The following ITGA11 variants were observed in gnomAD, a reference collection of about 807,000 sequenced individuals.
The protein encoded by ITGA11 is integrin subunit alpha 11.
ITGA11 carries 97 observed loss-of-function variants against 141.9 expected under a neutral mutation model. The ratio of observed to expected loss-of-function variants is 0.68; its 90% CI spans 0.58 to 0.81. The LOEUF is 0.81. Ranked by LOEUF, ITGA11 falls within the 30% of genes least tolerant of loss-of-function variation. ITGA11 has a pLI of 0.00. For synonymous variants in ITGA11, 658 were observed against 624.6 expected, an observed-to-expected ratio of 1.05 and a Z score of -0.80; for missense variants, 1,387 against 1,559.2, an observed-to-expected ratio of 0.89 and a Z score of 1.86.
intron 12 of ITGA11, among the ~76,000 whole-genome samples, chr15:68,334,204 T>A (rs964691): frequency 6.6e-6 from 1 of 152,084 alleles, no homozygotes; most frequent in Non-Finnish European, 1.5e-5. Flanking sequence ...GGTACCTAAT[T>A]AATGCTTATT....
intron 2 of ITGA11, among the ~76,000 whole-genome samples, chr15:68,390,927 T>C (rs1375894861): frequency 6.6e-6 from 1 of 152,202 alleles, no homozygotes; most frequent in Non-Finnish European, 1.5e-5. Flanking sequence ...GGCACAGAGC[T>C]GAATCAATAC....
chr15:68,350,370 T>A (rs921041301), intron 9 of ITGA11, among the ~76,000 whole-genome samples: 2 of 144,356 alleles, frequency 1.4e-5, no homozygotes, highest in African/African-American at 5.8e-5. Context: ...ATTTTTTTTT[T>A]AAAGAGACGA....
Position 68,303,696 on chromosome 15 carries a change from C to A in ITGA11, c.3495+76G>T. The A allele has an allele frequency of 9.9e-7, 1 of 1,012,470 alleles. No homozygotes were observed. Among genetic ancestry groups the A allele is most frequent in the South Asian group, 1.5e-5 (1 of 68,074 alleles). The allele number at this position is 1,012,470 out of a possible 1,614,324, so 62.7% of individuals were successfully genotyped here. A position where few individuals can be genotyped will look rare whatever the true frequency, so the allele number is the denominator to read the frequency against. On this transcript the variant is annotated intron_variant, in intron 29 of 29. Transcript: ENST00000315757. This position sits in a 1 kb window ranked among gnomAD's most constrained non-coding sequence, Gnocchi z 5.3. The stretch of plus-strand genomic sequence containing the variant: ...CTGGAGAGGAGAACGTGGCAGCGGC[C>A]ACGAAGTTCCAGGGGCTGGAGCCTG...
chr15:68,386,359 G>C (rs975461960), intron 2 of ITGA11, among the ~76,000 whole-genome samples: 1 of 152,074 alleles, frequency 6.6e-6, no homozygotes, highest in Non-Finnish European at 1.5e-5. Flanking sequence ...CTACTGCCTC[G>C]CAGTCCATCC....
At position 68,335,085 on chromosome 15, in the gene ITGA11, A is replaced by C. The variant is rs184850845; in HGVS notation, c.1425+612T>G. Among the ~76,000 whole-genome samples the C allele has an allele frequency of 1.3e-5, 2 of 152,282 alleles. No homozygotes were observed. Among genetic ancestry groups the C allele is most frequent in the Middle Eastern group, 3.4e-3 (1 of 294 alleles). On this transcript the variant is annotated intron_variant, in intron 12 of 29. Coordinates refer to ENST00000315757, the MANE Select transcript of ITGA11 (RefSeq NM_001004439.2). The surrounding 1 kb of genome is among the most constrained non-coding windows in gnomAD (Gnocchi z 4.9). ...GAGAGCCGGCAGGGAGCTGGGGACA[A>C]CATGGAAGGGCCTGGACAGCACTCA...
Position 68,308,694 on chromosome 15 carries a change from G to A in ITGA11, c.3175-998C>T, listed in dbSNP as rs868076478. 6.6e-6 allele frequency among the ~76,000 whole-genome samples: 1 copy of A among 151,964 alleles called. No homozygotes were observed. On this transcript the variant is annotated intron_variant, in intron 26 of 29. Transcript: ENST00000315757. This position sits in a 1 kb window ranked among gnomAD's most constrained non-coding sequence, Gnocchi z 5.2. ...GGAGGCGGAGGTCGCAGTGAGCCGA[G>A]ATCGTGCCACTGCACTCCAGCTGGG...
At chr15:68,365,000 C>T (rs1303222481) in intron 3 of ITGA11, 3 of 333,004 alleles carry the variant, frequency 9.0e-6, no homozygotes, top group Non-Finnish European at 1.0e-5. Context: ...AAAACCGAGT[C>T]TCAGAGAGGC....
intron 16 of ITGA11, among the ~76,000 whole-genome samples, chr15:68,327,209 T>C (rs933527134): frequency 6.6e-6 from 1 of 152,140 alleles, no homozygotes; most frequent in Non-Finnish European, 1.5e-5. Flanking sequence ...TGCTGGGTAC[T>C]TCCTCTCACA....
intron 2 of ITGA11, among the ~76,000 whole-genome samples, chr15:68,372,227 A>G (rs1394825552): frequency 3.3e-5 from 5 of 152,150 alleles, no homozygotes; most frequent in Admixed American, 1.3e-4. Flanking sequence ...TTTGGAGGAC[A>G]TGATTCAGTC....
intron 10 of ITGA11, among the ~76,000 whole-genome samples, chr15:68,342,238 G>A (rs562830706): frequency 8.5e-5 from 13 of 152,322 alleles, no homozygotes; most frequent in South Asian, 4.1e-4. Context: ...GGGCATTCCC[G>A]GGAAGAGCTG....
At chr15:68,370,584 C>T (rs1157637958) in intron 2 of ITGA11, among the ~76,000 whole-genome samples, 1 of 152,236 alleles carries the variant, frequency 6.6e-6, no homozygotes, top group Admixed American at 6.5e-5. Flanking sequence ...CGGTCTGGCT[C>T]TCTGCTCAGG....
Position 68,328,034 on chromosome 15 carries a change from A to C in ITGA11, c.2068+62T>G. 1.3e-6 allele frequency: 2 copies of C among 1,500,240 alleles called. No homozygotes were observed. The highest frequency in any genetic ancestry group is 1.8e-6 in the Non-Finnish European group (2 of 1,112,088). 92.9% of individuals were successfully genotyped at this position (1,500,240 alleles called of 1,614,324 possible). Reference sequence around the variant, plus strand: ...TTGGGAAAAGCCCAGGCTTTGAAATAGAGCAAGGTGCAGGGGGAGACTGGA... The same window carrying C: ...TTGGGAAAAGCCCAGGCTTTGAAATCGAGCAAGGTGCAGGGGGAGACTGGA... On this transcript the variant is annotated intron_variant, in intron 16 of 29. Transcript: ENST00000315757. The surrounding 1 kb of genome is among the most constrained non-coding windows in gnomAD (Gnocchi z 4.8).
rs1893993830 is a variant in ITGA11 at position 68,326,927 on chromosome 15, G to A, written c.2069-131C>T. Reference sequence around the variant, plus strand: ...CCTTTCCTCTCACGAGCCCCAGTGTGGGTGAGAAACTCCCACATGGAGAGC... The same window carrying A: ...CCTTTCCTCTCACGAGCCCCAGTGTAGGTGAGAAACTCCCACATGGAGAGC... On this transcript the variant is annotated intron_variant, in intron 16 of 29. Transcript: ENST00000315757. This position sits in a 1 kb window ranked among gnomAD's most constrained non-coding sequence, Gnocchi z 6.8. The A allele has an allele frequency of 1.0e-6, 1 of 983,984 alleles. No individual in the cohort carries two copies. Among genetic ancestry groups the A allele is most frequent in the Admixed American group, 3.0e-5 (1 of 33,162 alleles). 61.0% of individuals were successfully genotyped at this position (983,984 alleles called of 1,614,324 possible).
Position 68,322,351 on chromosome 15 carries a change from G to A in ITGA11, c.2323-848C>T, listed in dbSNP as rs907955572. 1.3e-5 allele frequency among the ~76,000 whole-genome samples: 2 copies of A among 152,118 alleles called. No homozygotes were observed. Among genetic ancestry groups the A allele is most frequent in the African/African-American group, 2.4e-5 (1 of 41,408 alleles). ...GAATGGAGTGAGAAGATGGAGGCTC[G>A]AGGCAGGGAGACCATTGAGGAGGCT... On this transcript the variant is annotated intron_variant, in intron 18 of 29. Transcript: ENST00000315757. This position sits in a 1 kb window ranked among gnomAD's most constrained non-coding sequence, Gnocchi z 5.6.
intron 12 of ITGA11, among the ~76,000 whole-genome samples, chr15:68,334,465 C>A (rs1011095492): frequency 6.6e-6 from 1 of 152,238 alleles, no homozygotes; most frequent in Admixed American, 6.5e-5. Context: ...ATTCTGCCTA[C>A]CCCGTCCATC....
At position 68,307,387 on chromosome 15, in the gene ITGA11, G is replaced by C; in HGVS notation, c.3342C>G (p.His1114Gln). ...MVNAALQRQF[H>Q]SPFIFREEDP... ...CCTCCTCACGGAAGATGAAGGGGCT[G>C]TGGAACTGCCTCTGCAAGGCTGCGT... The change falls in exon 28 of 30, where the codon CAC (histidine) becomes CAG (glutamine). Residue 1114 changes from histidine to glutamine, a missense_variant. Coordinates refer to ENST00000315757, the MANE Select transcript of ITGA11 (RefSeq NM_001004439.2). This position sits in a 1 kb window ranked among gnomAD's most constrained non-coding sequence, Gnocchi z 6.1. The C allele has an allele frequency of 1.3e-6, 2 of 1,558,754 alleles. No individual in the cohort carries two copies. Among genetic ancestry groups the C allele is most frequent in the Non-Finnish European group, 1.7e-6 (2 of 1,150,550 alleles).
At chr15:68,369,691 C>G (rs571393059) in intron 2 of ITGA11, among the ~76,000 whole-genome samples, 1 of 152,246 alleles carries the variant, frequency 6.6e-6, no homozygotes, top group Non-Finnish European at 1.5e-5. Flanking sequence ...TCTGGAGCCA[C>G]AGAGTCTTGA....
chr15:68,319,728 G>C (rs1006470318), intron 20 of ITGA11, among the ~76,000 whole-genome samples: 1 of 152,176 alleles, frequency 6.6e-6, no homozygotes. Context: ...CCCTAACCAG[G>C]GCCCAGGAGT....
chr15:68,421,313 C>G lies in ITGA11; in HGVS notation c.52+10702G>C, dbSNP rs550253009. Among the ~76,000 whole-genome samples the G allele has an allele frequency of 2.0e-5, 3 of 151,636 alleles. No individual in the cohort carries two copies. In the South Asian group the frequency reaches 6.2e-4, roughly 31 times the overall value. On this transcript the variant is annotated intron_variant, in intron 1 of 29. Coordinates refer to ENST00000315757, the MANE Select transcript of ITGA11 (RefSeq NM_001004439.2). The stretch of plus-strand genomic sequence containing the variant: ...CAAGGTGCCTGATGTGTTTGAAGAA[C>G]AGCCCGGAGGCCCCAGGGGTGGAGC...
Sources: allele counts gnomAD v4.1 joint callset (sites outside exome capture counted in the v4.1 genomes callset), GRCh38; gene constraint gnomAD v4.1.1; non-coding constraint Gnocchi (gnomAD v3.1); transcripts MANE v1.5; gene names NCBI Gene and HGNC (gene_info 2026-07-23, HGNC 2026-07-21).